SEMA6D: variants seen among roughly 807,000 people sequenced by gnomAD.
SEMA6D encodes the protein semaphorin 6D.
Under a neutral mutation model 106.6 loss-of-function variants are expected in SEMA6D, and 35 were observed. The observed-to-expected ratio is 0.33, with a 90% confidence interval of 0.25 to 0.44. The LOEUF is 0.44. SEMA6D is among the 20% of genes least tolerant of loss of function. The pLI is 1.00. For missense variants in SEMA6D, 1,185 were observed against 1,345.9 expected (o/e 0.88, Z 1.87); for synonymous variants, 499 against 487.7 (o/e 1.02, Z -0.31).
At chr15:47,352,877 C>T (rs191820819) in intron 1 of SEMA6D, among the ~76,000 whole-genome samples, 23 of 152,326 alleles carry the variant, frequency 1.5e-4, no homozygotes, top group Admixed American at 5.2e-4. Flanking sequence ...ATGCAGTTAA[C>T]ATCATGTAGA....
chr15:47,404,146 A>T (rs1470618606), intron 1 of SEMA6D, among the ~76,000 whole-genome samples: 1 of 152,194 alleles, frequency 6.6e-6, no homozygotes, highest in East Asian at 1.9e-4. Flanking sequence ...TGGGGATATC[A>T]TTTGGAAAAT....
chr15:47,330,363 A>T (rs2037296293), intron 1 of SEMA6D, among the ~76,000 whole-genome samples: 1 of 152,140 alleles, frequency 6.6e-6, no homozygotes, highest in South Asian at 2.1e-4. Flanking sequence ...CCTAGAAGGG[A>T]TCATTAAATA....
intron 1 of SEMA6D, among the ~76,000 whole-genome samples, chr15:47,720,261 CT>C (rs869122623): frequency 0.1 from 10,067 of 96,594 alleles, 722 homozygotes; most frequent in African/African-American, 0.32. Context: ...AATAACCTTT[CT>C]TTTTTTTTTT....
intron 3 of SEMA6D, among the ~76,000 whole-genome samples, chr15:47,534,341 C>T (rs887576793): frequency 6.6e-6 from 1 of 151,932 alleles, no homozygotes; most frequent in Non-Finnish European, 1.5e-5. Flanking sequence ...CAGGCGTGCC[C>T]AGCTAATTTT....
At chr15:47,625,806 T>C (rs2077192228) in intron 4 of SEMA6D, among the ~76,000 whole-genome samples, 1 of 152,154 alleles carries the variant, frequency 6.6e-6, no homozygotes, top group Non-Finnish European at 1.5e-5. Context: ...TGTTAAACTT[T>C]ATGCAACATT....
At chr15:47,401,356 C>G (rs384616) in intron 1 of SEMA6D, among the ~76,000 whole-genome samples, 15 of 151,718 alleles carry the variant, frequency 9.9e-5, no homozygotes, top group African/African-American at 3.6e-4. Context: ...CCTTTAATCC[C>G]AAAAACAATC....
intron 4 of SEMA6D, among the ~76,000 whole-genome samples, chr15:47,651,365 C>T: frequency 6.6e-6 from 1 of 152,066 alleles, no homozygotes; most frequent in Non-Finnish European, 1.5e-5. Flanking sequence ...GATCATACTG[C>T]TGCACCCCCA....
At chr15:47,453,647 T>C (rs565273613) in intron 2 of SEMA6D, among the ~76,000 whole-genome samples, 1 of 152,014 alleles carries the variant, frequency 6.6e-6, no homozygotes, top group South Asian at 2.1e-4. Flanking sequence ...CTAAAACCAA[T>C]AGCCCCACTC....
At chr15:47,322,890 A>T (rs1352263954) in intron 1 of SEMA6D, among the ~76,000 whole-genome samples, 1 of 152,172 alleles carries the variant, frequency 6.6e-6, no homozygotes, top group Non-Finnish European at 1.5e-5. Flanking sequence ...ATTCCAAGGG[A>T]AAAGTCTAAT....
chr15:47,515,293 ATC>A (rs1454065674), intron 3 of SEMA6D, among the ~76,000 whole-genome samples: 1 of 152,066 alleles, frequency 6.6e-6, no homozygotes, highest in Non-Finnish European at 1.5e-5. Flanking sequence ...TAATCTCCAT[ATC>A]TGTCTTCTGT....
At chr15:47,420,625 T>C (rs2041122287) in intron 2 of SEMA6D, among the ~76,000 whole-genome samples, 1 of 152,130 alleles carries the variant, frequency 6.6e-6, no homozygotes, top group South Asian at 2.1e-4. Flanking sequence ...GCTGAACAGA[T>C]GTGAGAACTG....
chr15:47,412,757 G>C (rs188990273), intron 2 of SEMA6D, among the ~76,000 whole-genome samples: 2 of 152,132 alleles, frequency 1.3e-5, no homozygotes, highest in Non-Finnish European at 1.5e-5. Context: ...ATGAAACTAC[G>C]TGTATTCAGA....
At chr15:47,746,495 T>G (rs2081139811) in intron 1 of SEMA6D, among the ~76,000 whole-genome samples, 1 of 152,190 alleles carries the variant, frequency 6.6e-6, no homozygotes, top group Non-Finnish European at 1.5e-5. Context: ...TATTGTTCAT[T>G]TATTTGAAAG....
intron 3 of SEMA6D, among the ~76,000 whole-genome samples, chr15:47,495,366 C>G (rs924178353): frequency 1.3e-5 from 2 of 151,900 alleles, no homozygotes; most frequent in Non-Finnish European, 2.9e-5. Flanking sequence ...ACTCATGGAG[C>G]TGATTCAACT....
rs550615251 is a variant in SEMA6D at position 47,576,084 on chromosome 15, A to G, written c.-86-24781A>G. ...CTTTAAATTGAAAGTTCCTGACAGC[A>G]TTACTAATTGACCATGATTTTTCTT... On this transcript the variant is annotated intron_variant, in intron 3 of 19. Transcript: ENST00000558014. Among the ~76,000 whole-genome samples, 13 of 152,366 alleles carry G rather than the reference A, an allele frequency of 8.5e-5. No homozygotes were observed. In the South Asian group the frequency reaches 1.4e-3, roughly 17 times the overall value.
At chr15:47,261,690 A>G (rs1198924857) in intron 1 of SEMA6D, among the ~76,000 whole-genome samples, 4 of 152,166 alleles carry the variant, frequency 2.6e-5, no homozygotes, top group East Asian at 1.9e-4. Flanking sequence ...CCTCCTCCCC[A>G]GTTCTAAGAA....
chr15:47,227,466 T>C (rs560199152), intron 1 of SEMA6D, among the ~76,000 whole-genome samples: 3 of 55,338 alleles, frequency 5.4e-5, no homozygotes, highest in African/African-American at 2.8e-4. Context: ...TTTTCTTTCT[T>C]TTTCTTTCTC....
intron 1 of SEMA6D, among the ~76,000 whole-genome samples, chr15:47,184,862 C>T (rs1012655033): frequency 6.6e-6 from 1 of 152,376 alleles, no homozygotes; most frequent in East Asian, 1.9e-4. Flanking sequence ...GCTGAACCGC[C>T]ACGCTGCCCC....
At chr15:47,499,999 G>A (rs548679469) in intron 3 of SEMA6D, among the ~76,000 whole-genome samples, 14 of 152,176 alleles carry the variant, frequency 9.2e-5, no homozygotes, top group South Asian at 8.3e-4. Flanking sequence ...TCAATGATAA[G>A]CTCAAACACT....
Sources: gnomAD v4.1 joint callset for allele counts (sites outside exome capture counted in the v4.1 genomes callset) on GRCh38, gnomAD v4.1.1 for gene constraint, MANE v1.5 for transcripts, NCBI Gene and HGNC (gene_info 2026-07-23, HGNC 2026-07-21) for gene names.